COL23A1: variants seen among roughly 807,000 people sequenced by gnomAD.
The protein encoded by COL23A1 is collagen type XXIII alpha 1 chain.
COL23A1 carries 97 observed loss-of-function variants against 99.3 expected under a neutral mutation model. That is an observed-to-expected ratio of 0.98 (90% CI 0.83 to 1.16). The LOEUF (loss-of-function observed/expected upper bound fraction) is 1.16, where lower values mean the gene tolerates loss of function less well. Among genes scored for constraint, COL23A1 ranks in the 50% most tolerant of loss-of-function variants. The probability of loss-of-function intolerance (pLI) is 0.00; values close to 1 mark genes in which losing one functional copy is unlikely to be tolerated. For missense variants in COL23A1, 762 were observed against 757.4 expected (o/e 1.01, Z -0.07); for synonymous variants, 320 against 308.2 (o/e 1.04, Z -0.40).
chr5:178,447,838 G>T (rs539193149), intron 2 of COL23A1, among the ~76,000 whole-genome samples: 1 of 152,274 alleles, frequency 6.6e-6, no homozygotes, highest in South Asian at 2.1e-4. Context: ...GTACTGCCTA[G>T]GCTGGCAGGG....
intron 2 of COL23A1, among the ~76,000 whole-genome samples, chr5:178,373,859 C>T (rs1393747744): frequency 6.6e-6 from 1 of 152,202 alleles, no homozygotes; most frequent in Non-Finnish European, 1.5e-5. Flanking sequence ...GAAGTTGTCA[C>T]CAGGCACCGT....
chr5:178,521,845 GGT>G (rs1759964859), intron 2 of COL23A1, among the ~76,000 whole-genome samples: 1 of 152,160 alleles, frequency 6.6e-6, no homozygotes, highest in African/African-American at 2.4e-5. Flanking sequence ...CAGTGGCTGG[GGT>G]CAGGGGTATA....
At chr5:178,570,406 T>C (rs573990498) in intron 1 of COL23A1, among the ~76,000 whole-genome samples, 2 of 152,248 alleles carry the variant, frequency 1.3e-5, no homozygotes, top group South Asian at 4.2e-4. Flanking sequence ...CCACTGTGCC[T>C]GGCCTAATTT....
At position 178,358,232 on chromosome 5, in the gene COL23A1, A is replaced by ATGTG. The variant is rs1276901748; in HGVS notation, c.362-51317_362-51314dup. On this transcript the variant is annotated intron_variant, in intron 2 of 28. Transcript: ENST00000390654. ...GTGTGTATGTGTGTCTAATGTGTGT[A>ATGTG]TGTGTGTATGTGTATGTGTGTGTAT... 1.0e-4 allele frequency among the ~76,000 whole-genome samples: 8 copies of ATGTG among 77,600 alleles called. No homozygotes were observed. In the East Asian group the frequency reaches 2.3e-3, roughly 23 times the overall value. The allele number at this position is 77,600 out of a possible 152,430, so 50.9% of individuals were successfully genotyped here. A position where few individuals can be genotyped will look rare whatever the true frequency, so the allele number is the denominator to read the frequency against.
At position 178,577,335 on chromosome 5, in the gene COL23A1, C is replaced by A. The variant is rs921477029; in HGVS notation, c.294+12569G>T. ...CAGCCCTGTTGGATCAGGGCCCCCC[C>A]ACAACGACCTGTGCCACCTCATCCG... On this transcript the variant is annotated intron_variant, in intron 1 of 28. Coordinates refer to ENST00000390654, the MANE Select transcript of COL23A1 (RefSeq NM_173465.4). Among the ~76,000 whole-genome samples, 9 of 152,344 alleles carry A rather than the reference C, an allele frequency of 5.9e-5. No individual in the cohort carries two copies. The South Asian group carries it at 1.2e-3, about 21-fold the overall frequency.
At chr5:178,394,153 A>C (rs1334151213) in intron 2 of COL23A1, among the ~76,000 whole-genome samples, 2 of 152,196 alleles carry the variant, frequency 1.3e-5, no homozygotes, top group African/African-American at 2.4e-5. Context: ...GGCAAGGAGG[A>C]GGCCCAGGGC....
intron 2 of COL23A1, among the ~76,000 whole-genome samples, chr5:178,320,640 C>T: frequency 6.6e-6 from 1 of 152,186 alleles, no homozygotes; most frequent in South Asian, 2.1e-4. Flanking sequence ...CTACAAGGCC[C>T]GCCCAGTTCC....
At chr5:178,575,327 C>T (rs1763293419) in intron 1 of COL23A1, among the ~76,000 whole-genome samples, 1 of 152,210 alleles carries the variant, frequency 6.6e-6, no homozygotes, top group Non-Finnish European at 1.5e-5. Context: ...TCCACCACTA[C>T]AGCTTCGCTC....
rs534097607 is a variant in COL23A1, at chr5:178,579,288, T to A, written c.294+10616A>T. On this transcript the variant is annotated intron_variant, in intron 1 of 28. Coordinates refer to ENST00000390654, the MANE Select transcript of COL23A1 (RefSeq NM_173465.4). ...TGCACGACATGCTGAGCGCTTGGGA[T>A]ACATCCCCTTGTTTAATTCTCACAG... is the stretch of plus-strand genomic sequence containing the variant. Among the ~76,000 whole-genome samples the A allele has an allele frequency of 1.0e-3, 153 of 152,366 alleles. 1 individual carries two copies. The highest frequency in any genetic ancestry group is 6.8e-3 in the Middle Eastern group (2 of 294).
intron 2 of COL23A1, among the ~76,000 whole-genome samples, chr5:178,557,224 A>G (rs1762324189): frequency 1.3e-5 from 2 of 152,068 alleles, no homozygotes; most frequent in African/African-American, 4.8e-5. Flanking sequence ...TCTGCCTCAA[A>G]TCTCTCCTTG....
intron 13 of COL23A1, 66 bp downstream of exon 13, chr5:178,257,456 TC>T: frequency 6.5e-7 from 1 of 1,529,896 alleles, no homozygotes; most frequent in Non-Finnish European, 8.9e-7. Flanking sequence ...GGTAGGGACT[TC>T]ACCAGGTAGA....
chr5:178,548,614 G>A (rs1223335231), intron 2 of COL23A1, among the ~76,000 whole-genome samples: 1 of 149,888 alleles, frequency 6.7e-6, no homozygotes, highest in Non-Finnish European at 1.5e-5. Context: ...GTGCAGTGGC[G>A]CAATCTCGGC....
intron 2 of COL23A1, among the ~76,000 whole-genome samples, chr5:178,483,508 C>T (rs553332947): frequency 1.3e-5 from 2 of 152,292 alleles, no homozygotes; most frequent in East Asian, 3.9e-4. Context: ...CTGACTACAA[C>T]TCAGAAGTGG....
chr5:178,500,865 G>A (rs553972294), intron 2 of COL23A1, among the ~76,000 whole-genome samples: 154 of 151,958 alleles, frequency 1.0e-3, no homozygotes, highest in Non-Finnish European at 1.1e-3. Context: ...ACAGATAAGT[G>A]CAACTAGATT....
At position 178,515,855 on chromosome 5, in the gene COL23A1, C is replaced by T. The variant is rs963111501; in HGVS notation, c.361+44827G>A. On this transcript the variant is annotated intron_variant, in intron 2 of 28. Coordinates refer to ENST00000390654, the MANE Select transcript of COL23A1 (RefSeq NM_173465.4). ...CACACTGAACCCACTCCCCCAGTAA[C>T]GCACCAAGTGTTCACAGGAGCTCTC... is the stretch of plus-strand genomic sequence containing the variant. Among the ~76,000 whole-genome samples, 6 of 152,272 alleles carry T rather than the reference C, an allele frequency of 3.9e-5. No homozygotes were observed. The South Asian group carries it at 8.3e-4, about 21-fold the overall frequency.
chr5:178,481,537 C>T (rs1757340181), intron 2 of COL23A1, among the ~76,000 whole-genome samples: 3 of 152,114 alleles, frequency 2.0e-5, no homozygotes, highest in South Asian at 4.1e-4. Flanking sequence ...CAAAACAAAA[C>T]AACCCAATTA....
intron 2 of COL23A1, among the ~76,000 whole-genome samples, chr5:178,427,234 T>C (rs10063441): frequency 0.12 from 18,522 of 152,114 alleles, 1,961 homozygotes; most frequent in African/African-American, 0.28. Flanking sequence ...ACTACATACC[T>C]ATGAGTATGG....
chr5:178,517,680 G>A (rs1423608219), intron 2 of COL23A1, among the ~76,000 whole-genome samples: 26 of 149,452 alleles, frequency 1.7e-4, no homozygotes, highest in African/African-American at 6.2e-4. Context: ...TTCTGCCTCA[G>A]CCTCCCAAGT....
At chr5:178,274,981 G>C (rs112943485) in intron 5 of COL23A1, among the ~76,000 whole-genome samples, 2 of 152,372 alleles carry the variant, frequency 1.3e-5, no homozygotes, top group African/African-American at 4.8e-5. Context: ...CGGGCTCCGG[G>C]ATGTTTCCGG....
Sources: allele counts gnomAD v4.1 joint callset (sites outside exome capture counted in the v4.1 genomes callset), GRCh38; gene constraint gnomAD v4.1.1; transcripts MANE v1.5; gene names NCBI Gene and HGNC (gene_info 2026-07-23, HGNC 2026-07-21).